Variants in CACNA1A observed in about 807,000 individuals in gnomAD.
The protein encoded by CACNA1A is voltage-dependent P/Q-type calcium channel subunit alpha-1A.
CACNA1A carries 57 observed loss-of-function variants against 262.4 expected under a neutral mutation model. The ratio of observed to expected loss-of-function variants is 0.22; its 90% CI spans 0.18 to 0.27. The LOEUF is 0.27. CACNA1A is among the 10% of genes least tolerant of loss of function. CACNA1A has a pLI of 1.00. For synonymous variants in CACNA1A, 1,431 were observed against 1,419.3 expected (o/e 1.01, Z -0.18); for missense variants, 2,526 against 3,562.8 (o/e 0.71, Z 7.41).
chr19:13,440,091 C>T (rs1049324106), intron 3 of CACNA1A, among the ~76,000 whole-genome samples: 3 of 152,126 alleles, frequency 2.0e-5, no homozygotes, highest in African/African-American at 7.2e-5. Context: ...TCCTGAGTAG[C>T]GGGGACTACA....
chr19:13,402,411 T>C (rs2059912202), intron 3 of CACNA1A, among the ~76,000 whole-genome samples: 1 of 152,016 alleles, frequency 6.6e-6, no homozygotes, highest in Admixed American at 6.6e-5. Flanking sequence ...GAGCACTGGA[T>C]AACAGACAAC....
intron 28 of CACNA1A, 113 bp downstream of exon 28, chr19:13,257,237 C>T (rs754019833): frequency 2.1e-5 from 17 of 809,678 alleles, no homozygotes; most frequent in Non-Finnish European, 3.0e-5. Flanking sequence ...TGGGACAATG[C>T]TTCTGTTCCC....
At chr19:13,465,223 G>A (rs758999866) in intron 1 of CACNA1A, among the ~76,000 whole-genome samples, 18 of 152,072 alleles carry the variant, frequency 1.2e-4, no homozygotes, top group Admixed American at 7.2e-4. Flanking sequence ...GAGCCACCGC[G>A]TCCAGCCTTA....
At chr19:13,422,058 C>A (rs1214115623) in intron 3 of CACNA1A, among the ~76,000 whole-genome samples, 1 of 152,206 alleles carries the variant, frequency 6.6e-6, no homozygotes, top group Non-Finnish European at 1.5e-5. Flanking sequence ...TGGTGGCTAA[C>A]CCCTGTAATG....
At chr19:13,230,458 G>C (rs973356950) in intron 35 of CACNA1A, among the ~76,000 whole-genome samples, 1 of 152,084 alleles carries the variant, frequency 6.6e-6, no homozygotes, top group African/African-American at 2.4e-5. Flanking sequence ...CAAGTGGAGA[G>C]ATGGGGAAGA....
chr19:13,453,619 G>A (rs1277277504), intron 2 of CACNA1A, among the ~76,000 whole-genome samples: 2 of 152,206 alleles, frequency 1.3e-5, no homozygotes, highest in Non-Finnish European at 2.9e-5. Context: ...TGTACTGGCT[G>A]ATAAGTGGCC....
intron 3 of CACNA1A, among the ~76,000 whole-genome samples, chr19:13,433,292 CA>C (rs71170514): frequency 0.29 from 28,171 of 98,122 alleles, 3,057 homozygotes; most frequent in Middle Eastern, 0.36. Context: ...GACTCTGTCT[CA>C]AAAAAAAAAA....
intron 16 of CACNA1A, 77 bp from the exon 17 acceptor site, chr19:13,303,690 C>T: frequency 6.4e-7 from 1 of 1,560,412 alleles, no homozygotes; most frequent in South Asian, 1.1e-5. Flanking sequence ...TCTCTCAGTA[C>T]CCTCCCTTGA....
chr19:13,238,954 C>T (rs1306739514), intron 31 of CACNA1A, among the ~76,000 whole-genome samples: 1 of 152,156 alleles, frequency 6.6e-6, no homozygotes, highest in Non-Finnish European at 1.5e-5. Context: ...CCTGATCTTT[C>T]CCTGGGTCCT....
At chr19:13,305,008 GT>G (rs1282728317) in intron 15 of CACNA1A, among the ~76,000 whole-genome samples, 2 of 152,230 alleles carry the variant, frequency 1.3e-5, no homozygotes, top group Non-Finnish European at 2.9e-5. Flanking sequence ...CACGTTTGGG[GT>G]CCCCCTGCCT....
intron 6 of CACNA1A, among the ~76,000 whole-genome samples, chr19:13,358,458 A>G (rs1221677380): frequency 6.6e-6 from 1 of 152,240 alleles, no homozygotes; most frequent in African/African-American, 2.4e-5. Context: ...CATGTCCTGC[A>G]GTGGAAAGAT....
At chr19:13,454,444 T>C (rs148741550) in intron 2 of CACNA1A, among the ~76,000 whole-genome samples, 238 of 152,038 alleles carry the variant, frequency 1.6e-3, no homozygotes, top group African/African-American at 4.8e-3. Context: ...GATCTTGGCT[T>C]ACTGCAACCT....
At chr19:13,449,206 A>G (rs2060871407) in intron 3 of CACNA1A, among the ~76,000 whole-genome samples, 1 of 151,942 alleles carries the variant, frequency 6.6e-6, no homozygotes, top group Non-Finnish European at 1.5e-5. Flanking sequence ...GGACTCAAGC[A>G]GTCTTCCTGC....
chr19:13,471,709 G>A (rs1394440109), intron 1 of CACNA1A, among the ~76,000 whole-genome samples: 1 of 152,152 alleles, frequency 6.6e-6, no homozygotes, highest in African/African-American at 2.4e-5. Context: ...TTATATGAAA[G>A]AGCCAGTATA....
chr19:13,432,645 T>C (rs2060531779), intron 3 of CACNA1A, among the ~76,000 whole-genome samples: 1 of 150,994 alleles, frequency 6.6e-6, no homozygotes, highest in Admixed American at 6.6e-5. Flanking sequence ...TATTGTAGTG[T>C]ATGTTTCAAC....
chr19:13,306,949 C>T (rs1347279190), intron 15 of CACNA1A, among the ~76,000 whole-genome samples: 1 of 152,026 alleles, frequency 6.6e-6, no homozygotes, highest in Non-Finnish European at 1.5e-5. Flanking sequence ...CTCTGAGGAT[C>T]TGTGAGTATA....
At chr19:13,490,750 AAAG>A (rs1490090187) in intron 1 of CACNA1A, among the ~76,000 whole-genome samples, 8 of 150,116 alleles carry the variant, frequency 5.3e-5, no homozygotes, top group South Asian at 2.1e-4. Context: ...GAAAGAAAGA[AAAG>A]AAGGAAGAAG....
chr19:13,340,725 C>T (rs1056619239), intron 6 of CACNA1A, among the ~76,000 whole-genome samples: 1 of 152,138 alleles, frequency 6.6e-6, no homozygotes, highest in Admixed American at 6.5e-5. Flanking sequence ...TCACGCCTGG[C>T]CGAGAGGTCA....
At position 13,316,885 on chromosome 19, in the gene CACNA1A, T is replaced by TGTTG. The variant is rs1600312483; in HGVS notation, c.1555+223_1555+226dup. ...CTTAGAAAGGAATCACAGGAGCATT[T>TGTTG]GTTGGTCTGAATTCCAGCTTCCAGC... On this transcript the variant is annotated intron_variant, in intron 11 of 46. Transcript: ENST00000360228. The TGTTG allele has an allele frequency of 9.5e-6, 4 of 422,026 alleles. No homozygotes were observed. In the Admixed American group the frequency reaches 1.2e-4, roughly 12 times the overall value. 26.1% of individuals were successfully genotyped at this position (422,026 alleles called of 1,614,324 possible).
Sources: allele counts gnomAD v4.1 joint callset (sites outside exome capture counted in the v4.1 genomes callset), GRCh38; gene constraint gnomAD v4.1.1; transcripts MANE v1.5; gene names NCBI Gene and HGNC (gene_info 2026-07-23, HGNC 2026-07-21).